The following OTX2 variants were observed in gnomAD, a reference collection of about 807,000 sequenced individuals.
The protein encoded by OTX2 is homeobox protein OTX2.
A neutral mutation model predicts 29.0 loss-of-function variants in OTX2; 4 were observed. That is an observed-to-expected ratio of 0.14 (90% CI 0.07 to 0.32). OTX2 has a LOEUF of 0.32. Ranked by LOEUF, OTX2 falls within the 10% of genes least tolerant of loss-of-function variation. The pLI, the probability that OTX2 is intolerant of heterozygous loss-of-function variation, is 1.00. For missense variants in OTX2, 298 were observed against 365.9 expected, an observed-to-expected ratio of 0.81 and a Z score of 1.51; for synonymous variants, 134 against 141.0, an observed-to-expected ratio of 0.95 and a Z score of 0.35.
rs1378281606 is a variant in OTX2, at chr14:56,800,038, C to G, written c.*1697G>C. On this transcript the variant is annotated 3_prime_UTR_variant, in exon 5 of 5. Coordinates refer to ENST00000672264, the MANE Select transcript of OTX2 (RefSeq NM_021728.4). Reference sequence around the variant, plus strand: ...CCTGAGGAGCACCATGATCATTGGCCCATTTGTCTTTTCTGGTGACTGGTT... The same window carrying G: ...CCTGAGGAGCACCATGATCATTGGCGCATTTGTCTTTTCTGGTGACTGGTT... 1 of 152,074 alleles carries G rather than the reference C, an allele frequency of 6.6e-6. No individual in the cohort carries two copies. The highest frequency in any genetic ancestry group is 1.5e-5 in the Non-Finnish European group (1 of 68,018). The allele number at this position is 152,074 out of a possible 1,614,324, so 9.4% of individuals were successfully genotyped here. A position where few individuals can be genotyped will look rare whatever the true frequency, so the allele number is the denominator to read the frequency against.
chr14:56,800,882 C>T lies in OTX2; in HGVS notation c.*853G>A, dbSNP rs1891850252. On this transcript the variant is annotated 3_prime_UTR_variant, in exon 5 of 5. Coordinates refer to ENST00000672264, the MANE Select transcript of OTX2 (RefSeq NM_021728.4). ...AATGTCTCTTTACTGCTAGGCTTAC[C>T]AACAGTAAATTACAGATGAATTAGT... 1 of 152,560 alleles carries T rather than the reference C, an allele frequency of 6.6e-6. No homozygotes were observed. The highest frequency in any genetic ancestry group is 1.5e-5 in the Non-Finnish European group (1 of 68,052). 9.5% of individuals were successfully genotyped at this position (152,560 alleles called of 1,614,324 possible). A position where few individuals can be genotyped will look rare whatever the true frequency, so the allele number is the denominator to read the frequency against.
intron 3 of OTX2, among the ~76,000 whole-genome samples, chr14:56,805,027 T>C (rs1299292722): frequency 1.3e-5 from 2 of 152,162 alleles, no homozygotes; most frequent in Non-Finnish European, 2.9e-5. Flanking sequence ...GTCATTGAGA[T>C]ATGGGTAGGG....
intron 2 of OTX2, among the ~76,000 whole-genome samples, chr14:56,809,436 A>T (rs1425732242): frequency 7.5e-6 from 1 of 134,212 alleles, no homozygotes; most frequent in Non-Finnish European, 1.6e-5. Context: ...CAAAAAGGAG[A>T]TCTGGAAGCT....
chr14:56,801,974 G>C lies in OTX2; in HGVS notation c.655C>G (p.Gln219Glu), dbSNP rs754929157. The C allele has an allele frequency of 1.9e-6, 3 of 1,614,074 alleles. No individual in the cohort carries two copies. Among genetic ancestry groups the C allele is most frequent in the Non-Finnish European group, 2.5e-6 (3 of 1,180,048 alleles). The change falls in exon 5 of 5, where the codon CAG becomes GAG. Residue 219 changes from glutamine (Q) to glutamate (E), a missense_variant. Around this residue, in one of 3 missense-constraint regions of OTX2, gnomAD observed 219 missense variants for 223.5 expected, o/e 0.98. Coordinates refer to ENST00000672264, the MANE Select transcript of OTX2 (RefSeq NM_021728.4). The surrounding 1 kb of genome is among the most constrained non-coding windows in gnomAD (Gnocchi z 4.2). ...CGSYLTPMHHQLPGPGATLSP... is the reference protein window; with the variant it reads ...CGSYLTPMHHELPGPGATLSP... ...AGTGTGGCCCCTGGTCCGGGAAGCTGGTGATGCATAGGGGTCAAATATGAT... is the reference window on the plus strand; with the variant it reads ...AGTGTGGCCCCTGGTCCGGGAAGCTCGTGATGCATAGGGGTCAAATATGAT...
rs1461145007 is a variant in OTX2 at position 56,804,054 on chromosome 14, C to T, written c.273+134G>A. The T allele has an allele frequency of 4.7e-6, 5 of 1,061,874 alleles. No individual in the cohort carries two copies. The African/African-American group carries it at 7.8e-5, about 17-fold the overall frequency. The allele number at this position is 1,061,874 out of a possible 1,614,324, so 65.8% of individuals were successfully genotyped here. A position where few individuals can be genotyped will look rare whatever the true frequency, so the allele number is the denominator to read the frequency against. ...AAAAAGGGCAGAAGGAGAATAGTTTCCTGGCCCCTTAGTGAGTGAAGGAGA... is the reference window on the plus strand; with the variant it reads ...AAAAAGGGCAGAAGGAGAATAGTTTTCTGGCCCCTTAGTGAGTGAAGGAGA... On this transcript the variant is annotated intron_variant, in intron 4 of 4. Transcript: ENST00000672264. This position sits in a 1 kb window ranked among gnomAD's most constrained non-coding sequence, Gnocchi z 4.1.
chr14:56,802,103 A>T lies in OTX2; in HGVS notation c.526T>A (p.Ser176Thr). ...GGATAGGACCTCTGCATGCAGGAAG[A>T]GGAGGTGGACAAGGGATCTGACAGT... The part of the protein sequence containing the change: ...SPLSDPLSTS[S>T]SCMQRSYPMT... The change falls in exon 5 of 5, where the codon TCT becomes ACT. Residue 176 changes from serine (S) to threonine (T), a missense_variant. Transcript: ENST00000672264. The surrounding 1 kb of genome is among the most constrained non-coding windows in gnomAD (Gnocchi z 4.4). 1.2e-6 allele frequency: 2 copies of T among 1,614,220 alleles called. No homozygotes were observed. Among genetic ancestry groups the T allele is most frequent in the Non-Finnish European group, 1.7e-6 (2 of 1,180,042 alleles).
Position 56,804,479 on chromosome 14 carries a change from ACCAATGCTCTCCC to A in OTX2, c.98-129_98-117del. On this transcript the variant is annotated intron_variant, in intron 3 of 4. Transcript: ENST00000672264. This position sits in a 1 kb window ranked among gnomAD's most constrained non-coding sequence, Gnocchi z 4.1. ...CTCACAGCCCTTCAGCCGGGAGCCT[ACCAATGCTCTCCC>A]CACCGTCTCCCCAGCCTTGCTCCCC... 1 of 983,858 alleles carries A rather than the reference ACCAATGCTCTCCC, an allele frequency of 1.0e-6. No homozygotes were observed. Among genetic ancestry groups the A allele is most frequent in the African/African-American group, 1.6e-5 (1 of 61,484 alleles). The allele number at this position is 983,858 out of a possible 1,614,324, so 60.9% of individuals were successfully genotyped here. A position where few individuals can be genotyped will look rare whatever the true frequency, so the allele number is the denominator to read the frequency against.
At chr14:56,809,611 G>A in intron 2 of OTX2, among the ~76,000 whole-genome samples, 1 of 152,062 alleles carries the variant, frequency 6.6e-6, no homozygotes, top group African/African-American at 2.4e-5. Context: ...GGCTCGAGCG[G>A]CGGCCCCCGG....
chr14:56,802,480 G>GGC lies in OTX2; in HGVS notation c.274-126_274-125insGC. 3.7e-6 allele frequency: 4 copies of GGC among 1,083,790 alleles called. No homozygotes were observed. Among genetic ancestry groups the GGC allele is most frequent in the Non-Finnish European group, 5.6e-6 (4 of 710,594 alleles). 67.1% of individuals were successfully genotyped at this position (1,083,790 alleles called of 1,614,324 possible). On this transcript the variant is annotated intron_variant, in intron 4 of 4. Transcript: ENST00000672264. This position sits in a 1 kb window ranked among gnomAD's most constrained non-coding sequence, Gnocchi z 4.4. ...TAAACACACAATTTCCCCTGCCACTGAAGACCTATTATGTGGTACTCTCAT... is the reference window on the plus strand; with the variant it reads ...TAAACACACAATTTCCCCTGCCACTGGCAAGACCTATTATGTGGTACTCTCAT...
chr14:56,808,117 GT>G (rs113714814), intron 2 of OTX2, among the ~76,000 whole-genome samples: 58,939 of 150,102 alleles, frequency 0.39, 11,918 homozygotes, highest in Admixed American at 0.53. Context: ...CCCACGCCTT[GT>G]TTTTTTTTTC....
In OTX2 at chr14:56,804,257, G is replaced by A. The variant is rs774043425; in HGVS notation, c.204C>T (p.Thr68=). The change falls in exon 4 of 5, where the codon ACC becomes ACT. Residue 68 remains threonine (T), a synonymous_variant. Coordinates refer to ENST00000672264, the MANE Select transcript of OTX2 (RefSeq NM_021728.4). The surrounding 1 kb of genome is among the most constrained non-coding windows in gnomAD (Gnocchi z 4.1). ...CTCGCATGAAGATGTCTGGGTACCG[G>A]GTCTTGGCAAACAGTGCTTCCAGCA... is the stretch of plus-strand genomic sequence containing the variant. ...LDVLEALFAK[T]RYPDIFMREE... is the part of the protein sequence containing the mutation. 1.8e-5 allele frequency: 29 copies of A among 1,614,052 alleles called. No individual in the cohort carries two copies. Among genetic ancestry groups the A allele is most frequent in the Non-Finnish European group, 2.4e-5 (28 of 1,180,020 alleles).
At chr14:56,809,897 C>T (rs536531979) in intron 2 of OTX2, among the ~76,000 whole-genome samples, 2 of 152,318 alleles carry the variant, frequency 1.3e-5, no homozygotes, top group East Asian at 3.9e-4. Flanking sequence ...CGCAGCGTTT[C>T]GACGACGTTT....
Position 56,805,071 on chromosome 14 carries a change from C to CCT in OTX2, c.97+287_97+288dup, listed in dbSNP as rs147164058. Among the ~76,000 whole-genome samples the CCT allele has an allele frequency of 1.5e-3, 224 of 152,318 alleles. 1 individual carries two copies. Among genetic ancestry groups the CCT allele is most frequent in the African/African-American group, 5.0e-3 (209 of 41,570 alleles). On this transcript the variant is annotated intron_variant, in intron 3 of 4. Transcript: ENST00000672264. Reference sequence around the variant, plus strand: ...CCCAAATGACAAGGACAGTAACCTTCCTCATCCCACTCTGATGCCAATCCT... The same window carrying CCT: ...CCCAAATGACAAGGACAGTAACCTTCCTCTCATCCCACTCTGATGCCAATCCT...
intron 2 of OTX2, among the ~76,000 whole-genome samples, chr14:56,809,567 C>T (rs535340519): frequency 2.6e-5 from 4 of 152,198 alleles, no homozygotes; most frequent in South Asian, 2.1e-4. Context: ...TTATCCGCTC[C>T]GGTTTCCGCT....
intron 2 of OTX2, among the ~76,000 whole-genome samples, chr14:56,808,431 C>T (rs1191355920): frequency 1.3e-5 from 2 of 152,204 alleles, no homozygotes; most frequent in African/African-American, 4.8e-5. Flanking sequence ...CCGGCGCTGG[C>T]CTCTCTCCGG....
rs1891859832 is a variant in OTX2, at chr14:56,801,137, A to G, written c.*598T>C. ...AGTTTTGAAGTCTAGCACAGATTAA[A>G]AACCACAGATGTACCATTTATAAGA... On this transcript the variant is annotated 3_prime_UTR_variant, in exon 5 of 5. Transcript: ENST00000672264. The surrounding 1 kb of genome is among the most constrained non-coding windows in gnomAD (Gnocchi z 4.2). 6.0e-6 allele frequency: 1 copy of G among 166,598 alleles called. No homozygotes were observed. Among genetic ancestry groups the G allele is most frequent in the Admixed American group, 5.5e-5 (1 of 18,222 alleles). 10.3% of individuals were successfully genotyped at this position (166,598 alleles called of 1,614,324 possible). A position where few individuals can be genotyped will look rare whatever the true frequency, so the allele number is the denominator to read the frequency against.
intron 2 of OTX2, among the ~76,000 whole-genome samples, chr14:56,808,007 C>A (rs1399395045): frequency 6.6e-6 from 1 of 151,692 alleles, no homozygotes; most frequent in African/African-American, 2.4e-5. Context: ...AGCCCCGCAG[C>A]CCCGCAGGCC....
chr14:56,801,967 G>A lies in OTX2; in HGVS notation c.662C>T (p.Pro221Leu). ...GGGACTGAGTGTGGCCCCTGGTCCG[G>A]GAAGCTGGTGATGCATAGGGGTCAA... ...SYLTPMHHQL[P>L]GPGATLSPMG... Residue 221 changes from proline (P) to leucine (L), a missense_variant, in exon 5 of 5, where the codon CCC becomes CTC. Physicochemically the swap from Pro to Leu is moderately conservative, Grantham distance 98 (BLOSUM62 -3). This residue lies in a region of OTX2 where 219 missense variants were observed against 223.5 expected (regional missense o/e 0.98). Coordinates refer to ENST00000672264, the MANE Select transcript of OTX2 (RefSeq NM_021728.4). This position sits in a 1 kb window ranked among gnomAD's most constrained non-coding sequence, Gnocchi z 4.2. The A allele has an allele frequency of 1.9e-6, 3 of 1,614,172 alleles. No individual in the cohort carries two copies. The highest frequency in any genetic ancestry group is 2.5e-6 in the Non-Finnish European group (3 of 1,180,030).
chr14:56,801,202 A>T lies in OTX2; in HGVS notation c.*533T>A. Reference sequence around the variant, plus strand: ...CTCTTAAACTACATATTGACTCCTTATGAACATTATTTTTTAAATAAAGTA... The same window carrying T: ...CTCTTAAACTACATATTGACTCCTTTTGAACATTATTTTTTAAATAAAGTA... On this transcript the variant is annotated 3_prime_UTR_variant, in exon 5 of 5. Transcript: ENST00000672264. The surrounding 1 kb of genome is among the most constrained non-coding windows in gnomAD (Gnocchi z 4.2). 1 of 186,022 alleles carries T rather than the reference A, an allele frequency of 5.4e-6. No individual in the cohort carries two copies. Among genetic ancestry groups the T allele is most frequent in the Admixed American group, 5.3e-5 (1 of 18,818 alleles). 11.5% of individuals were successfully genotyped at this position (186,022 alleles called of 1,614,324 possible). A position where few individuals can be genotyped will look rare whatever the true frequency, so the allele number is the denominator to read the frequency against.
Sources: gnomAD v4.1 joint callset for allele counts (sites outside exome capture counted in the v4.1 genomes callset) on GRCh38, gnomAD v4.1.1 for gene constraint, gnomAD v4.1.1 regional missense constraint, Gnocchi (gnomAD v3.1) non-coding constraint, MANE v1.5 for transcripts, NCBI Gene and HGNC (gene_info 2026-07-23, HGNC 2026-07-21) for gene names.